ACP3: variants seen among roughly 807,000 people sequenced by gnomAD.
The protein encoded by ACP3 is prostatic acid phosphatase.
ACP3 carries 38 observed loss-of-function variants against 45.6 expected under a neutral mutation model. The ratio of observed to expected loss-of-function variants is 0.83; its 90% CI spans 0.64 to 1.09. The LOEUF is 1.09. Ranked by LOEUF, ACP3 falls within the 50% of genes least tolerant of loss-of-function variation. ACP3 has a pLI of 0.00. For missense variants in ACP3, 466 were observed against 463.2 expected (o/e 1.01, Z -0.05); for synonymous variants, 162 against 164.7 (o/e 0.98, Z 0.13).
At chr3:132,346,071 A>G (rs1450802662) in intron 7 of ACP3, among the ~76,000 whole-genome samples, 1 of 152,228 alleles carries the variant, frequency 6.6e-6, no homozygotes, top group Non-Finnish European at 1.5e-5. Flanking sequence ...CCAGCCATTG[A>G]CAGACACTAT....
Position 132,357,396 on chromosome 3 carries a change from G to A in ACP3, c.*518G>A. On this transcript the variant is annotated 3_prime_UTR_variant, in exon 10 of 10. Transcript: ENST00000336375. ...CAGCCTTCTCTCAAGGAGAGGCAAA[G>A]AAAGGAGATACAGTGGAGACATCTG... The A allele has an allele frequency of 1.0e-6, 1 of 985,382 alleles. No individual in the cohort carries two copies. The highest frequency in any genetic ancestry group is 5.2e-4 in the Middle Eastern group (1 of 1,914). 61.0% of individuals were successfully genotyped at this position (985,382 alleles called of 1,614,324 possible). A position where few individuals can be genotyped will look rare whatever the true frequency, so the allele number is the denominator to read the frequency against.
At chr3:132,350,070 C>T in intron 8 of ACP3, 68 bp downstream of exon 8, 2 of 1,146,984 alleles carry the variant, frequency 1.7e-6, no homozygotes, top group Non-Finnish European at 1.3e-6. Context: ...CACAGGACCT[C>T]ATCTTTTTTT....
At chr3:132,322,955 C>T (rs1937231938) in intron 1 of ACP3, among the ~76,000 whole-genome samples, 1 of 152,246 alleles carries the variant, frequency 6.6e-6, no homozygotes, top group Admixed American at 6.5e-5. Flanking sequence ...TGTGCCCCTT[C>T]TTGTCCTGTC....
Position 132,357,584 on chromosome 3 carries a change from A to C in ACP3, c.*706A>C. 2 of 984,142 alleles carry C rather than the reference A, an allele frequency of 2.0e-6. No individual in the cohort carries two copies. The highest frequency in any genetic ancestry group is 2.4e-6 in the Non-Finnish European group (2 of 828,718). The allele number at this position is 984,142 out of a possible 1,614,324, so 61.0% of individuals were successfully genotyped here. ...AAATCAAACTTTACAGAAAGATTTG[A>C]TGTATGTAATACATATAGCAGCTCT... On this transcript the variant is annotated 3_prime_UTR_variant, in exon 10 of 10. Transcript: ENST00000336375.
chr3:132,357,695 A>G lies in ACP3; in HGVS notation c.*817A>G. ...ACATCAGGAAAGAGAGCACCACGTG[A>G]TGGAGTTTCTCTAGAAGCTCCAGTG... On this transcript the variant is annotated 3_prime_UTR_variant, in exon 10 of 10. Transcript: ENST00000336375. 1 of 985,382 alleles carries G rather than the reference A, an allele frequency of 1.0e-6. No homozygotes were observed. The highest frequency in any genetic ancestry group is 1.2e-6 in the Non-Finnish European group (1 of 829,920). The allele number at this position is 985,382 out of a possible 1,614,324, so 61.0% of individuals were successfully genotyped here. A position where few individuals can be genotyped will look rare whatever the true frequency, so the allele number is the denominator to read the frequency against.
rs1306280977 is a variant in ACP3 at position 132,327,089 on chromosome 3, AAAGT to A, written c.121-1176_121-1173del. The stretch of plus-strand genomic sequence containing the variant: ...GGTACAAATATAGAAGTATGTTATT[AAAGT>A]ATTGAGAATTAGCTTTCCTAACCTC... On this transcript the variant is annotated intron_variant, in intron 1 of 9. Transcript: ENST00000336375. Among the ~76,000 whole-genome samples, 13 of 152,376 alleles carry A rather than the reference AAAGT, an allele frequency of 8.5e-5. No homozygotes were observed. In the South Asian group the frequency reaches 1.9e-3, roughly 22 times the overall value.
intron 5 of ACP3, 93 bp from the exon 6 acceptor site, chr3:132,342,459 C>G: frequency 7.2e-6 from 6 of 838,166 alleles, no homozygotes; most frequent in East Asian, 2.5e-5. Context: ...CAGGAGAGCT[C>G]CCTACAACAA....
chr3:132,359,909 A>G (rs1044778533), downstream of ACP3, among the ~76,000 whole-genome samples: 1 of 152,332 alleles, frequency 6.6e-6, no homozygotes, highest in South Asian at 2.1e-4. Flanking sequence ...ATTAAATGCT[A>G]CAAATCCTAC....
intron 10 of ACP3, among the ~76,000 whole-genome samples, chr3:132,365,418 C>G (rs1938114464): frequency 6.6e-6 from 1 of 152,072 alleles, no homozygotes; most frequent in Admixed American, 6.5e-5. Context: ...GCCATGATAA[C>G]AGGTATAGCA....
At chr3:132,359,336 C>A (rs375974044), downstream of ACP3, among the ~76,000 whole-genome samples, 1 of 152,056 alleles carries the variant, frequency 6.6e-6, no homozygotes, top group African/African-American at 2.4e-5. Flanking sequence ...CACGGTGAAA[C>A]CCCATCTCTA....
Position 132,349,952 on chromosome 3 carries a change from A to T in ACP3, c.814A>T (p.Lys272Ter), listed in dbSNP as rs1327783192. 1.9e-6 allele frequency: 3 copies of T among 1,613,128 alleles called. No homozygotes were observed. Among genetic ancestry groups the T allele is most frequent in the Non-Finnish European group, 2.5e-6 (3 of 1,179,162 alleles). Residue 272 changes from lysine to a stop codon, truncating the protein, a stop_gained, in exon 8 of 10, where the codon AAG becomes TAG. Coordinates refer to ENST00000336375, the MANE Select transcript of ACP3 (RefSeq NM_001099.5). LOFTEE classifies it high-confidence loss of function. ...VLVNEILNHM[K>*]RATQIPSYKK... ...GGTCAATGAAATCCTCAATCACATG[A>T]AGAGAGCAACTCAGATACCAAGCTA...
chr3:132,367,896 G>C (rs1938156906), exon 11 of ACP3: 4 of 1,171,584 alleles, frequency 3.4e-6, no homozygotes, highest in South Asian at 2.5e-5. Flanking sequence ...TAAAGGACAG[G>C]CTTTTGCCAT....
chr3:132,349,777 A>AGAT, intron 7 of ACP3, 143 bp from the exon 8 acceptor site: 1 of 628,682 alleles, frequency 1.6e-6, no homozygotes, highest in Non-Finnish European at 2.8e-6. Context: ...AGCACAGAGC[A>AGAT]GATGCTCAAT....
At position 132,323,170 on chromosome 3, in the gene ACP3, G is replaced by GAAA. The variant is rs60981392; in HGVS notation, c.121-5088_121-5086dup. ...GGAAAGACAAGAAGATGAAAGAAAG[G>GAAA]AAAAAAAAAAAGCACACATAGCACA... is the stretch of plus-strand genomic sequence containing the variant. On this transcript the variant is annotated intron_variant, in intron 1 of 9. Transcript: ENST00000336375. Among the ~76,000 whole-genome samples the GAAA allele has an allele frequency of 3.7e-3, 529 of 142,878 alleles. 6 individuals carry two copies. Among genetic ancestry groups the GAAA allele is most frequent in the African/African-American group, 0.013 (508 of 39,416 alleles). 93.7% of individuals were successfully genotyped at this position (142,878 alleles called of 152,430 possible).
intron 7 of ACP3, among the ~76,000 whole-genome samples, chr3:132,345,703 G>T (rs183759057): frequency 8.5e-5 from 13 of 152,234 alleles, no homozygotes; most frequent in African/African-American, 2.6e-4. Flanking sequence ...CCTCTTCTTG[G>T]TTAGAACTGG....
chr3:132,323,384 G>C (rs1056507910), intron 1 of ACP3, among the ~76,000 whole-genome samples: 1 of 152,126 alleles, frequency 6.6e-6, no homozygotes, highest in African/African-American at 2.4e-5. Flanking sequence ...TGACAGCAAG[G>C]CTTCTGCTTT....
At chr3:132,339,721 A>AG (rs775313490) in intron 5 of ACP3, among the ~76,000 whole-genome samples, 31 of 152,356 alleles carry the variant, frequency 2.0e-4, no homozygotes, top group Admixed American at 3.9e-4. Flanking sequence ...AGCTCTCTGA[A>AG]GGCTCTCTGA....
At chr3:132,337,666 A>C (rs1937513337) in intron 5 of ACP3, 112 bp downstream of exon 5, 1 of 639,024 alleles carries the variant, frequency 1.6e-6, no homozygotes, top group Non-Finnish European at 2.7e-6. Flanking sequence ...GGACGAATGC[A>C]TCTGTCAGTG....
intron 2 of ACP3, 73 bp from the exon 3 acceptor site, chr3:132,331,574 C>T: frequency 8.2e-7 from 1 of 1,224,316 alleles, no homozygotes; most frequent in Non-Finnish European, 1.1e-6. Context: ...AAAAAAAAAT[C>T]AACAAATTTT....
Sources: gnomAD v4.1 joint callset for allele counts (sites outside exome capture counted in the v4.1 genomes callset) on GRCh38, gnomAD v4.1.1 for gene constraint, MANE v1.5 for transcripts, NCBI Gene and HGNC (gene_info 2026-07-23, HGNC 2026-07-21) for gene names.